The following ADGRG4 variants were observed in gnomAD, a reference collection of about 807,000 sequenced individuals.
The protein encoded by ADGRG4 is G protein-coupled receptor 112.
In ADGRG4, 122 loss-of-function variants were observed where a neutral mutation model predicts 126.2. The ratio of observed to expected loss-of-function variants is 0.97; its 90% CI spans 0.83 to 1.12. ADGRG4 has a LOEUF of 1.12. ADGRG4 is among the 50% of genes most tolerant of loss of function. The pLI, the probability that ADGRG4 is intolerant of heterozygous loss-of-function variation, is 0.00. For synonymous variants in ADGRG4, 943 were observed against 838.7 expected, an observed-to-expected ratio of 1.12 and a Z score of -2.15; for missense variants, 2,481 against 2,251.8, an observed-to-expected ratio of 1.10 and a Z score of -2.06.
chrX:136,304,723 T>C (rs1441042733), intron 2 of ADGRG4, 132 bp from the exon 3 acceptor site: 2 of 112,064 alleles, frequency 1.8e-5, no homozygotes, highest in Admixed American at 9.5e-5. Context: ...CTGGAGAACA[T>C]AGAGTTCCTG....
At chrX:136,382,456 G>A (rs2075269112) in intron 15 of ADGRG4, among the ~76,000 whole-genome samples, 1 of 112,234 alleles carries the variant, frequency 8.9e-6, no homozygotes, top group African/African-American at 3.2e-5. Flanking sequence ...TGTGGTCGTA[G>A]CTGGTATTGA....
intron 5 of ADGRG4, among the ~76,000 whole-genome samples, chrX:136,338,273 T>G (rs1211873076): frequency 1.8e-5 from 2 of 109,355 alleles, no homozygotes; most frequent in Non-Finnish European, 3.8e-5. Flanking sequence ...TTCTCATACC[T>G]CAGCCTCCTG....
At chrX:136,356,993 C>G (rs2075097963) in intron 9 of ADGRG4, among the ~76,000 whole-genome samples, 1 of 112,077 alleles carries the variant, frequency 8.9e-6, no homozygotes, top group African/African-American at 3.2e-5. Flanking sequence ...TAGAGCAAGG[C>G]TCTGTCTCAA....
intron 15 of ADGRG4, among the ~76,000 whole-genome samples, chrX:136,381,308 G>A (rs946513232): frequency 9.0e-6 from 1 of 110,962 alleles, no homozygotes; most frequent in Non-Finnish European, 1.9e-5. Context: ...CTGAAGTGCA[G>A]TGGCACAATC....
chrX:136,373,419 C>A (rs1048136511), intron 15 of ADGRG4, among the ~76,000 whole-genome samples: 49 of 111,857 alleles, frequency 4.4e-4, no homozygotes, highest in African/African-American at 1.5e-3. Context: ...GAACACATAG[C>A]CTAATGACTA....
chrX:136,408,710 C>T (rs1028903979), intron 23 of ADGRG4, among the ~76,000 whole-genome samples: 1 of 111,730 alleles, frequency 9.0e-6, no homozygotes, highest in Non-Finnish European at 1.9e-5. Context: ...GCAGAGTGAT[C>T]TGTTTTCTTC....
At chrX:136,305,355 T>C (rs753197181) in intron 3 of ADGRG4, among the ~76,000 whole-genome samples, 5 of 111,708 alleles carry the variant, frequency 4.5e-5, no homozygotes, top group African/African-American at 6.5e-5. Flanking sequence ...TGGTTCTAGC[T>C]CCTGCTTTAC....
Position 136,357,696 on chromosome X carries a change from T to C in ADGRG4, c.6928-8T>C. 1.7e-6 allele frequency: 2 copies of C among 1,172,100 alleles called. No homozygotes were observed. The highest frequency in any genetic ancestry group is 2.3e-6 in the Non-Finnish European group (2 of 861,582). ...TTTCAGTGACTATGTACTTTTCTTT[T>C]GCATTAGTTGGAACAGAGAGAAGGA... On this transcript the variant is annotated splice_polypyrimidine_tract_variant and splice_region_variant and intron_variant, in intron 9 of 25. Coordinates refer to ENST00000394143, the MANE Select transcript of ADGRG4 (RefSeq NM_153834.4).
chrX:136,398,917 A>G (rs953242144), intron 20 of ADGRG4, among the ~76,000 whole-genome samples: 1 of 112,556 alleles, frequency 8.9e-6, no homozygotes, highest in East Asian at 2.7e-4. Flanking sequence ...AAATTGTGAT[A>G]TATTTGTAAA....
intron 13 of ADGRG4, among the ~76,000 whole-genome samples, chrX:136,365,765 T>C (rs1018451782): frequency 8.9e-6 from 1 of 112,443 alleles, no homozygotes; most frequent in African/African-American, 3.2e-5. Flanking sequence ...TTATGGCTGG[T>C]AGTAATGCCC....
At chrX:136,359,502 T>G in intron 11 of ADGRG4, 47 bp downstream of exon 11, 1 of 982,495 alleles carries the variant, frequency 1.0e-6, no homozygotes, top group South Asian at 2.4e-5. Context: ...TTACTTCCTT[T>G]ATTATAAAAC....
At chrX:136,393,852 G>T (rs1046969349) in intron 18 of ADGRG4, among the ~76,000 whole-genome samples, 2 of 111,964 alleles carry the variant, frequency 1.8e-5, no homozygotes, top group Non-Finnish European at 3.8e-5. Context: ...GCAGTTTCCT[G>T]AAGATTATAG....
At position 136,354,684 on chromosome X, in the gene ADGRG4, GACTA is replaced by G. The variant is rs773174426; in HGVS notation, c.6887+1287_6887+1290del. On this transcript the variant is annotated intron_variant, in intron 8 of 25. Transcript: ENST00000394143. ...AAAAGTCCAGGCCTCCAGAACTTCT[GACTA>G]ACTGACTTCAACTTGGGGTTCCCGT... 3.5e-3 allele frequency among the ~76,000 whole-genome samples: 385 copies of G among 111,576 alleles called. 3 individuals are homozygous for G. The highest frequency in any genetic ancestry group is 0.012 in the African/African-American group (369 of 30,750).
chrX:136,349,086 A>C lies in ADGRG4; in HGVS notation c.5380A>C (p.Asn1794His). The change falls in exon 6 of 26, where the codon AAT becomes CAT. Residue 1794 changes from asparagine (N) to histidine (H), a missense_variant. By Grantham distance (68) the Asn-to-His change is moderately conservative. Transcript: ENST00000394143. ...AACAACCACCAATTGCTTTTCTTCTAATACTAGAAAGATGACTTCCTTGTT... is the reference window on the plus strand; with the variant it reads ...AACAACCACCAATTGCTTTTCTTCTCATACTAGAAAGATGACTTCCTTGTT... ...VKTTTNCFSS[N>H]TRKMTSLLEK... The C allele has an allele frequency of 8.3e-7, 1 of 1,207,319 alleles. No individual in the cohort carries two copies. Among genetic ancestry groups the C allele is most frequent in the Non-Finnish European group, 1.1e-6 (1 of 892,575 alleles).
chrX:136,414,077 A>G (rs1464013648), intron 24 of ADGRG4, 83 bp from the exon 25 acceptor site: 1 of 821,586 alleles, frequency 1.2e-6, no homozygotes, highest in Admixed American at 3.3e-5. Flanking sequence ...ATTGAAGTGT[A>G]ATTTATATAC....
intron 22 of ADGRG4, among the ~76,000 whole-genome samples, chrX:136,405,435 G>A (rs745689060): frequency 1.8e-5 from 2 of 111,028 alleles, no homozygotes; most frequent in Non-Finnish European, 3.8e-5. Context: ...TGGACTGACA[G>A]GTTTCTGCAT....
intron 5 of ADGRG4, among the ~76,000 whole-genome samples, chrX:136,335,650 T>C (rs1318342667): frequency 8.9e-6 from 1 of 112,020 alleles, no homozygotes; most frequent in Non-Finnish European, 1.9e-5. Context: ...TTTGTGAACA[T>C]AAAGTTATTC....
Position 136,409,005 on chromosome X carries a change from C to T in ADGRG4, c.8935+3033C>T, listed in dbSNP as rs141512162. On this transcript the variant is annotated intron_variant, in intron 23 of 25. Transcript: ENST00000394143. Reference sequence around the variant, plus strand: ...ATGACTGCAAGATAGCATGTGCCATCTTGTAGCAAGGGAGTTTTCAGAGCT... The same window carrying T: ...ATGACTGCAAGATAGCATGTGCCATTTTGTAGCAAGGGAGTTTTCAGAGCT... Among the ~76,000 whole-genome samples the T allele has an allele frequency of 8.7e-3, 939 of 108,470 alleles. 9 individuals are homozygous for T. The highest frequency in any genetic ancestry group is 0.019 in the Middle Eastern group (4 of 212). The allele number at this position is 108,470 out of a possible 115,157, so 94.2% of individuals were successfully genotyped here.
At position 136,345,607 on chromosome X, in the gene ADGRG4, C is replaced by G. The variant is rs12850982; in HGVS notation, c.1901C>G (p.Pro634Arg). ...AGATCAGCTTCCACATCCAAGGCAC[C>G]TGAGTCAGGTCCCACATCCACAACT... ...STRSASTSKAPESGPTSTTDE... is the reference protein window; with the variant it reads ...STRSASTSKARESGPTSTTDE... Residue 634 changes from proline to arginine, a missense_variant, in exon 6 of 26, where the codon CCT becomes CGT. Coordinates refer to ENST00000394143, the MANE Select transcript of ADGRG4 (RefSeq NM_153834.4). The G allele has an allele frequency of 1.7e-6, 2 of 1,209,048 alleles. No individual in the cohort carries two copies. The highest frequency in any genetic ancestry group is 3.5e-5 in the African/African-American group (2 of 56,961).
Sources: allele counts gnomAD v4.1 joint callset (sites outside exome capture counted in the v4.1 genomes callset), GRCh38; gene constraint gnomAD v4.1.1; transcripts MANE v1.5; gene names NCBI Gene and HGNC (gene_info 2026-07-23, HGNC 2026-07-21).